The following GRIN2B variants were observed in gnomAD, a reference collection of about 807,000 sequenced individuals.
GRIN2B encodes glutamate receptor ionotropic, NMDA 2B.
Under a neutral mutation model 114.5 loss-of-function variants are expected in GRIN2B, and 5 were observed. The observed-to-expected ratio is 0.04, with a 90% CI of 0.02 to 0.09. The LOEUF (loss-of-function observed/expected upper bound fraction) is 0.09. Ranked by LOEUF, GRIN2B falls within the 10% of genes least tolerant of loss-of-function variation. The pLI is 1.00. For missense variants in GRIN2B, 1,108 were observed against 1,943.5 expected, an observed-to-expected ratio of 0.57 and a Z score of 8.08; for synonymous variants, 787 against 745.1, an observed-to-expected ratio of 1.06 and a Z score of -0.92.
rs377460231 is a variant in GRIN2B at position 13,869,241 on chromosome 12, C to CTTTTTTTTTTTTTTTT, written c.-18-3031_-18-3016dup. Among the ~76,000 whole-genome samples the CTTTTTTTTTTTTTTTT allele has an allele frequency of 9.7e-4, 124 of 127,192 alleles. 1 individual carries two copies. Among genetic ancestry groups the CTTTTTTTTTTTTTTTT allele is most frequent in the Middle Eastern group, 4.1e-3 (1 of 246 alleles). The allele number at this position is 127,192 out of a possible 152,430, so 83.4% of individuals were successfully genotyped here. ...AACTTTTTTCTTTTTCTTTTTTTTT[C>CTTTTTTTTTTTTTTTT]TTTTTTTTTTTTTTTTTGGTGGGGA... On this transcript the variant is annotated intron_variant, in intron 2 of 13. Coordinates refer to ENST00000609686, the MANE Select transcript of GRIN2B (RefSeq NM_000834.5).
At chr12:13,869,902 C>G (rs920683577) in intron 2 of GRIN2B, among the ~76,000 whole-genome samples, 1 of 152,130 alleles carries the variant, frequency 6.6e-6, no homozygotes, top group South Asian at 2.1e-4. Context: ...AACCTACATA[C>G]CTGAAAGATT....
At chr12:13,600,293 A>G (rs1242753042) in intron 10 of GRIN2B, among the ~76,000 whole-genome samples, 2 of 152,052 alleles carry the variant, frequency 1.3e-5, no homozygotes, top group East Asian at 3.9e-4. Context: ...TCACAAAAAG[A>G]TGAGTCTACT....
intron 5 of GRIN2B, among the ~76,000 whole-genome samples, chr12:13,667,856 A>G (rs145409548): frequency 1.3e-5 from 2 of 152,316 alleles, no homozygotes; most frequent in African/African-American, 4.8e-5. Flanking sequence ...GGTAAATTTT[A>G]TTTTATCCCT....
At chr12:13,579,034 G>C (rs1324202899) in intron 10 of GRIN2B, among the ~76,000 whole-genome samples, 1 of 152,160 alleles carries the variant, frequency 6.6e-6, no homozygotes. Flanking sequence ...CAGAACAAGG[G>C]GGCTGTCTCG....
At chr12:13,757,356 G>T (rs1239160694) in intron 3 of GRIN2B, among the ~76,000 whole-genome samples, 1 of 152,200 alleles carries the variant, frequency 6.6e-6, no homozygotes, top group African/African-American at 2.4e-5. Context: ...AGTTGCAAAT[G>T]GTGACAGGCT....
chr12:13,961,827 T>A (rs1867697467), intron 2 of GRIN2B, among the ~76,000 whole-genome samples: 1 of 152,032 alleles, frequency 6.6e-6, no homozygotes. Flanking sequence ...GCTGTCTTCC[T>A]CCCTTAGAGT....
chr12:13,663,199 G>A (rs1361564413), intron 5 of GRIN2B, among the ~76,000 whole-genome samples: 2 of 152,176 alleles, frequency 1.3e-5, no homozygotes, highest in South Asian at 2.1e-4. Flanking sequence ...CCATTTCACC[G>A]CCATCCCCTT....
rs1948368389 is a variant in GRIN2B at position 13,548,027 on chromosome 12, G to A, written c.*14756C>T. ...GCTACAGAAGAGACCACGGAGATGT[G>A]TGAGCTGCCAAGGTGCCAATGATCA... On this transcript the variant is annotated 3_prime_UTR_variant, in exon 14 of 14. Coordinates refer to ENST00000609686, the MANE Select transcript of GRIN2B (RefSeq NM_000834.5). The A allele has an allele frequency of 7.1e-6, 1 of 140,178 alleles. No homozygotes were observed. Among genetic ancestry groups the A allele is most frequent in the African/African-American group, 2.6e-5 (1 of 37,906 alleles). The allele number at this position is 140,178 out of a possible 1,614,324, so 8.7% of individuals were successfully genotyped here. A position where few individuals can be genotyped will look rare whatever the true frequency, so the allele number is the denominator to read the frequency against.
At chr12:13,604,427 G>A (rs774912455) in intron 10 of GRIN2B, among the ~76,000 whole-genome samples, 6 of 152,000 alleles carry the variant, frequency 3.9e-5, no homozygotes, top group Non-Finnish European at 8.8e-5. Context: ...GCTATAAATC[G>A]AATGGCTACA....
chr12:13,972,407 CT>C (rs1443600934), intron 2 of GRIN2B, among the ~76,000 whole-genome samples: 1 of 152,116 alleles, frequency 6.6e-6, no homozygotes, highest in African/African-American at 2.4e-5. Context: ...TAAATATAAG[CT>C]TCTGACTCCT....
chr12:13,713,101 T>C (rs572095107), intron 4 of GRIN2B, among the ~76,000 whole-genome samples: 1 of 151,886 alleles, frequency 6.6e-6, no homozygotes, highest in Non-Finnish European at 1.5e-5. Flanking sequence ...GAAGTAATTT[T>C]AAAGAGTGTA....
At chr12:13,600,402 C>A (rs1467360465) in intron 10 of GRIN2B, among the ~76,000 whole-genome samples, 1 of 152,154 alleles carries the variant, frequency 6.6e-6, no homozygotes, top group Non-Finnish European at 1.5e-5. Flanking sequence ...CATGGGAAAC[C>A]TGTGTTCCTT....
At chr12:13,965,162 G>A (rs1591644690) in intron 2 of GRIN2B, among the ~76,000 whole-genome samples, 1 of 152,280 alleles carries the variant, frequency 6.6e-6, no homozygotes, top group African/African-American at 2.4e-5. Context: ...AGCCTGCCAA[G>A]CCTGAAATCC....
intron 2 of GRIN2B, among the ~76,000 whole-genome samples, chr12:13,957,654 C>T (rs1046763675): frequency 6.6e-6 from 1 of 152,094 alleles, no homozygotes; most frequent in Admixed American, 6.6e-5. Context: ...GGGAAGAGAC[C>T]CACCCAGGAG....
In GRIN2B at chr12:13,611,718, G is replaced by A; in HGVS notation, c.1780+7C>T. On this transcript the variant is annotated splice_region_variant and intron_variant, in intron 9 of 13. Transcript: ENST00000609686. Reference sequence around the variant, plus strand: ...TGGGGAAGTGCAGCGGTTCCAGCCGGCCTTACCTCTGCCATCAGCGAGGCA... The same window carrying A: ...TGGGGAAGTGCAGCGGTTCCAGCCGACCTTACCTCTGCCATCAGCGAGGCA... The A allele has an allele frequency of 1.2e-6, 2 of 1,613,616 alleles. No homozygotes were observed. The highest frequency in any genetic ancestry group is 1.7e-6 in the Non-Finnish European group (2 of 1,179,516).
At chr12:13,951,187 T>G (rs745769773) in intron 2 of GRIN2B, among the ~76,000 whole-genome samples, 3 of 152,108 alleles carry the variant, frequency 2.0e-5, no homozygotes, top group Non-Finnish European at 2.9e-5. Flanking sequence ...TACTAAAAAA[T>G]TATTGTTTAT....
chr12:13,753,669 G>C lies in GRIN2B; in HGVS notation c.658C>G (p.Leu220Val). The change falls in exon 4 of 14, where the codon CTC becomes GTC. Residue 220 changes from leucine (L) to valine (V), a missense_variant. Physicochemically the swap from Leu to Val is conservative, Grantham distance 32 (BLOSUM62 1). This residue lies in a region of GRIN2B where 199 missense variants were observed against 439.6 expected (regional missense o/e 0.45). Coordinates refer to ENST00000609686, the MANE Select transcript of GRIN2B (RefSeq NM_000834.5). The surrounding 1 kb of genome is among the most constrained non-coding windows in gnomAD (Gnocchi z 6.2). ...DDGDSKIQNQLKKLQSPIILL... is the reference protein window; with the variant it reads ...DDGDSKIQNQVKKLQSPIILL... ...ATGATGGGGCTTTGAAGTTTCTTGA[G>C]CTGATTCTGGATCTTAGAATCTCCA... 6.2e-7 allele frequency: 1 copy of C among 1,614,154 alleles called. No individual in the cohort carries two copies. The highest frequency in any genetic ancestry group is 8.5e-7 in the Non-Finnish European group (1 of 1,179,998).
At chr12:13,722,690 A>G (rs1250431740) in intron 4 of GRIN2B, among the ~76,000 whole-genome samples, 1 of 152,066 alleles carries the variant, frequency 6.6e-6, no homozygotes, top group African/African-American at 2.4e-5. Flanking sequence ...GAAGTGGGAG[A>G]AAGTTAACAT....
chr12:13,619,455 A>G (rs1052721386), intron 5 of GRIN2B, among the ~76,000 whole-genome samples: 1 of 152,190 alleles, frequency 6.6e-6, no homozygotes, highest in African/African-American at 2.4e-5. Context: ...TTCTGATCCT[A>G]TAATTCTATA....
Sources: gnomAD v4.1 joint callset for allele counts (sites outside exome capture counted in the v4.1 genomes callset) on GRCh38, gnomAD v4.1.1 for gene constraint, gnomAD v4.1.1 regional missense constraint, Gnocchi (gnomAD v3.1) non-coding constraint, MANE v1.5 for transcripts, NCBI Gene and HGNC (gene_info 2026-07-23, HGNC 2026-07-21) for gene names.